Variants in ANKRD31 observed in about 807,000 individuals in gnomAD.
ANKRD31 encodes ankyrin repeat domain-containing protein 31.
Under a neutral mutation model 186.0 loss-of-function variants are expected in ANKRD31, and 147 were observed. The ratio of observed to expected loss-of-function variants is 0.79; its 90% CI spans 0.69 to 0.91. The LOEUF is 0.91. ANKRD31 is among the 40% of genes least tolerant of loss of function. ANKRD31 has a pLI of 0.00. For missense variants in ANKRD31, 1,986 were observed against 2,148.8 expected (o/e 0.92, Z 1.50); for synonymous variants, 673 against 736.4 (o/e 0.91, Z 1.39).
chr5:75,103,859 T>C (rs572605524), intron 22 of ANKRD31, among the ~76,000 whole-genome samples: 14 of 152,062 alleles, frequency 9.2e-5, no homozygotes, highest in African/African-American at 3.1e-4. Flanking sequence ...GGGAGTGCAG[T>C]TGGGGGAGGG....
Position 75,210,839 on chromosome 5 carries a change from T to C in ANKRD31, c.315A>G (p.Gln105=). 2.0e-6 allele frequency: 3 copies of C among 1,513,576 alleles called. No individual in the cohort carries two copies. The highest frequency in any genetic ancestry group is 2.6e-6 in the Non-Finnish European group (3 of 1,139,304). 93.8% of individuals were successfully genotyped at this position (1,513,576 alleles called of 1,614,324 possible). The change falls in exon 4 of 26, where the codon CAA becomes CAG. Residue 105 remains glutamine (Q), a synonymous_variant. Transcript: ENST00000506364. ...ATTAGTATACTTACTGTAACAGAGC[T>C]TGATTTCGTTCTGTTTCATCTTGAG... ...LQSQDETERN[Q]ALLQTRKNCS...
chr5:75,184,173 G>A (rs1754536713), intron 10 of ANKRD31, among the ~76,000 whole-genome samples: 1 of 152,040 alleles, frequency 6.6e-6, no homozygotes, highest in African/African-American at 2.4e-5. Context: ...TTCAATAAAT[G>A]GTGCTGGAAA....
intron 8 of ANKRD31, 41 bp downstream of exon 8, chr5:75,193,270 T>A: frequency 6.6e-7 from 1 of 1,519,402 alleles, no homozygotes. Context: ...CTATAATGTC[T>A]ATAGCATACC....
intron 11 of ANKRD31, among the ~76,000 whole-genome samples, chr5:75,160,043 GTAAAA>G (rs1561488966): frequency 2.6e-5 from 4 of 152,006 alleles, no homozygotes; most frequent in African/African-American, 9.7e-5. Context: ...AGCCAGAAAT[GTAAAA>G]TAGGAAGCTT....
intron 23 of ANKRD31, among the ~76,000 whole-genome samples, chr5:75,090,562 G>A (rs914119304): frequency 3.3e-5 from 5 of 152,114 alleles, no homozygotes; most frequent in African/African-American, 1.2e-4. Context: ...TCTAGTCTTC[G>A]AAACAGTCAT....
At chr5:75,232,119 A>G (rs1757988376) in intron 1 of ANKRD31, among the ~76,000 whole-genome samples, 2 of 152,222 alleles carry the variant, frequency 1.3e-5, no homozygotes, top group Admixed American at 6.5e-5. Flanking sequence ...TCAAAAATGC[A>G]TTATTAGAAT....
chr5:75,192,950 G>A (rs1260150857), intron 8 of ANKRD31, among the ~76,000 whole-genome samples, 174 bp from the exon 9 acceptor site: 1 of 152,116 alleles, frequency 6.6e-6, no homozygotes, highest in Non-Finnish European at 1.5e-5. Context: ...TTCTGCAGCA[G>A]GCATGCCAGT....
Position 75,146,003 on chromosome 5 carries a change from T to C in ANKRD31, c.3408A>G (p.Glu1136=). The part of the protein sequence containing the change: ...ISKLSQREKK[E]ISHKPDEELT... ...TACTAATACCTGGTTTGTGAGAAAT[T>C]TCCTTCTTTTCTCTTTGACTAAGTT... Residue 1136 remains glutamate, a synonymous_variant, in exon 14 of 26, where the codon GAA becomes GAG. Transcript: ENST00000506364. The C allele has an allele frequency of 1.3e-6, 2 of 1,486,344 alleles. No individual in the cohort carries two copies. Among genetic ancestry groups the C allele is most frequent in the Non-Finnish European group, 1.8e-6 (2 of 1,126,048 alleles). 92.1% of individuals were successfully genotyped at this position (1,486,344 alleles called of 1,614,324 possible). A position where few individuals can be genotyped will look rare whatever the true frequency, so the allele number is the denominator to read the frequency against.
At chr5:75,081,700 CAGAGAG>C (rs935046250) in intron 24 of ANKRD31, among the ~76,000 whole-genome samples, 1 of 137,006 alleles carries the variant, frequency 7.3e-6, no homozygotes, top group African/African-American at 2.7e-5. Flanking sequence ...GAGAGAGAGA[CAGAGAG>C]AGAGAGAGAG....
intron 4 of ANKRD31, among the ~76,000 whole-genome samples, chr5:75,207,324 C>T (rs1430337779): frequency 2.0e-5 from 3 of 151,564 alleles, no homozygotes; most frequent in Non-Finnish European, 4.4e-5. Flanking sequence ...GAAAAGAATG[C>T]TGATTTTTTT....
chr5:75,190,261 T>A (rs908539800), intron 9 of ANKRD31, among the ~76,000 whole-genome samples: 26 of 152,178 alleles, frequency 1.7e-4, no homozygotes, highest in African/African-American at 6.3e-4. Context: ...GCTCAAGCGA[T>A]CCACCCACTT....
chr5:75,119,934 C>T (rs771370970), intron 17 of ANKRD31, among the ~76,000 whole-genome samples: 4 of 152,012 alleles, frequency 2.6e-5, no homozygotes, highest in Middle Eastern at 3.2e-3. Context: ...AGGGAAACTT[C>T]GAAACCCCAT....
intron 3 of ANKRD31, among the ~76,000 whole-genome samples, chr5:75,216,566 A>C (rs1044549423): frequency 6.6e-6 from 1 of 152,170 alleles, no homozygotes; most frequent in Non-Finnish European, 1.5e-5. Flanking sequence ...GAAGGCAAAT[A>C]TAGATCTCTC....
At chr5:75,132,196 C>A (rs1012519943) in intron 17 of ANKRD31, among the ~76,000 whole-genome samples, 2 of 152,168 alleles carry the variant, frequency 1.3e-5, no homozygotes, top group Non-Finnish European at 2.9e-5. Context: ...AGGCTTCAGA[C>A]GATCGGTAAG....
At chr5:75,138,071 A>C in intron 16 of ANKRD31, 73 bp from the exon 17 acceptor site, 5 of 1,283,346 alleles carry the variant, frequency 3.9e-6, no homozygotes. Flanking sequence ...TGTATTACTA[A>C]GGTTTTGTTG....
intron 20 of ANKRD31, among the ~76,000 whole-genome samples, chr5:75,112,002 C>G (rs183902530): frequency 1.8e-4 from 28 of 152,282 alleles, no homozygotes; most frequent in African/African-American, 6.3e-4. Flanking sequence ...TTGTCACAAT[C>G]TTACATTTTC....
chr5:75,191,877 C>T (rs935772475), intron 9 of ANKRD31, among the ~76,000 whole-genome samples: 1 of 152,030 alleles, frequency 6.6e-6, no homozygotes, highest in Admixed American at 6.6e-5. Context: ...TAATTGTTGA[C>T]TCCAGCTTAT....
rs9709632 is a variant in ANKRD31, at chr5:75,133,770, G to A, written c.3876+4086C>T. Reference sequence around the variant, plus strand: ...AATTGACCACATAGTTGGAAGTAAAGCACTCCTCAGCAAATATAAAAGAAC... The same window carrying A: ...AATTGACCACATAGTTGGAAGTAAAACACTCCTCAGCAAATATAAAAGAAC... On this transcript the variant is annotated intron_variant, in intron 17 of 25. Coordinates refer to ENST00000506364, the MANE Select transcript of ANKRD31 (RefSeq NM_001372053.1). Among the ~76,000 whole-genome samples, 5 of 152,224 alleles carry A rather than the reference G, an allele frequency of 3.3e-5. No homozygotes were observed. The East Asian group carries it at 9.6e-4, about 29-fold the overall frequency.
chr5:75,115,756 A>G (rs1353450511), intron 19 of ANKRD31, among the ~76,000 whole-genome samples: 1 of 151,348 alleles, frequency 6.6e-6, no homozygotes, highest in Admixed American at 6.6e-5. Flanking sequence ...AAGTCAGGAA[A>G]CAACAGGTGC....
Sources: gnomAD v4.1 joint callset for allele counts (sites outside exome capture counted in the v4.1 genomes callset) on GRCh38, gnomAD v4.1.1 for gene constraint, MANE v1.5 for transcripts, NCBI Gene and HGNC (gene_info 2026-07-23, HGNC 2026-07-21) for gene names.